Variants in OPCML observed in about 807,000 individuals in gnomAD.
OPCML encodes the protein opioid binding protein/cell adhesion molecule like, also known as opioid-binding protein/cell adhesion molecule.
OPCML carries 13 observed loss-of-function variants against 37.8 expected under a neutral mutation model. The observed-to-expected ratio is 0.34, with a 90% CI of 0.22 to 0.55. The LOEUF is 0.55. Ranked by LOEUF, OPCML falls within the 20% of genes least tolerant of loss-of-function variation. The probability of loss-of-function intolerance (pLI) is 0.91; values close to 1 mark genes in which losing one functional copy is unlikely to be tolerated. For missense variants in OPCML, 341 were observed against 435.6 expected (o/e 0.78, Z 1.93); for synonymous variants, 176 against 168.8 (o/e 1.04, Z -0.33).
intron 1 of OPCML, among the ~76,000 whole-genome samples, chr11:133,476,585 G>A (rs1219984731): frequency 6.6e-6 from 1 of 152,082 alleles, no homozygotes; most frequent in Non-Finnish European, 1.5e-5. Context: ...AAATACATTG[G>A]GCATTTGTGA....
intron 1 of OPCML, among the ~76,000 whole-genome samples, chr11:133,135,337 A>G (rs1276331193): frequency 6.6e-6 from 1 of 152,064 alleles, no homozygotes; most frequent in Admixed American, 6.5e-5. Flanking sequence ...TACCAGAATC[A>G]CACCCTTTGA....
intron 1 of OPCML, among the ~76,000 whole-genome samples, chr11:132,970,212 G>A (rs1467154157): frequency 6.6e-6 from 1 of 152,062 alleles, no homozygotes; most frequent in Non-Finnish European, 1.5e-5. Context: ...CAAAATACAT[G>A]TTTTTCACTT....
chr11:132,543,320 T>C (rs1027526331), intron 3 of OPCML, among the ~76,000 whole-genome samples: 1 of 152,106 alleles, frequency 6.6e-6, no homozygotes, highest in African/African-American at 2.4e-5. Flanking sequence ...TAGACCAGCC[T>C]GGGCAATGTA....
intron 7 of OPCML, among the ~76,000 whole-genome samples, chr11:132,434,896 T>A (rs1377301928): frequency 6.6e-6 from 1 of 152,176 alleles, no homozygotes; most frequent in Non-Finnish European, 1.5e-5. Context: ...TTTTCAAAGA[T>A]GACCAAATAT....
At chr11:133,079,632 C>T (rs921596087) in intron 1 of OPCML, among the ~76,000 whole-genome samples, 2 of 152,144 alleles carry the variant, frequency 1.3e-5, no homozygotes, top group African/African-American at 4.8e-5. Context: ...ACTGTAAGAA[C>T]CTCGGGAGGT....
At chr11:132,813,932 G>A (rs1184428786) in intron 2 of OPCML, among the ~76,000 whole-genome samples, 10 of 152,158 alleles carry the variant, frequency 6.6e-5, no homozygotes, top group African/African-American at 2.2e-4. Context: ...CGTTTTACAT[G>A]CACTAATAAC....
intron 1 of OPCML, among the ~76,000 whole-genome samples, chr11:133,343,629 A>T (rs1341600507): frequency 2.0e-5 from 3 of 152,204 alleles, no homozygotes; most frequent in Non-Finnish European, 2.9e-5. Context: ...CACAATGAGC[A>T]TTAGAATTAC....
intron 1 of OPCML, among the ~76,000 whole-genome samples, chr11:133,434,285 T>C (rs1946186736): frequency 6.6e-6 from 1 of 152,150 alleles, no homozygotes; most frequent in South Asian, 2.1e-4. Flanking sequence ...TATTTCTAAG[T>C]CTTACCTATC....
At chr11:133,261,246 C>T (rs949387982) in intron 1 of OPCML, among the ~76,000 whole-genome samples, 2 of 152,212 alleles carry the variant, frequency 1.3e-5, no homozygotes, top group Admixed American at 6.5e-5. Flanking sequence ...CTTGGATCTT[C>T]GAATAAGGAA....
chr11:133,520,433 TA>T (rs760425273), intron 1 of OPCML, among the ~76,000 whole-genome samples: 34 of 152,070 alleles, frequency 2.2e-4, no homozygotes, highest in Non-Finnish European at 4.1e-4. Context: ...ACAATGGTGC[TA>T]AATCAGTGGT....
intron 3 of OPCML, among the ~76,000 whole-genome samples, chr11:132,632,227 C>G (rs374640523): frequency 2.9e-5 from 4 of 137,676 alleles, no homozygotes; most frequent in East Asian, 4.3e-4. Context: ...CCTCAGGCAT[C>G]TTTATTCAAA....
intron 1 of OPCML, among the ~76,000 whole-genome samples, chr11:133,049,221 G>C (rs1051557024): frequency 2.6e-5 from 4 of 152,272 alleles, no homozygotes; most frequent in Non-Finnish European, 5.9e-5. Flanking sequence ...AGGAACTTAC[G>C]CATCAGCAAG....
chr11:132,707,067 A>T (rs553944551), intron 2 of OPCML, among the ~76,000 whole-genome samples: 2 of 152,310 alleles, frequency 1.3e-5, no homozygotes, highest in African/African-American at 4.8e-5. Context: ...ATGCTTTTTT[A>T]AAATGTAATT....
intron 1 of OPCML, among the ~76,000 whole-genome samples, chr11:133,009,748 G>A (rs767958091): frequency 2.0e-5 from 3 of 152,176 alleles, no homozygotes; most frequent in Admixed American, 6.5e-5. Flanking sequence ...GTGCTCCTAT[G>A]AGAATCTAAT....
chr11:132,688,285 A>G (rs1943250034), intron 2 of OPCML, among the ~76,000 whole-genome samples: 1 of 152,188 alleles, frequency 6.6e-6, no homozygotes, highest in Admixed American at 6.5e-5. Context: ...AGTTGAATGG[A>G]TGAGCATATT....
At chr11:133,354,867 A>G (rs1217959330) in intron 1 of OPCML, among the ~76,000 whole-genome samples, 1 of 152,230 alleles carries the variant, frequency 6.6e-6, no homozygotes, top group Non-Finnish European at 1.5e-5. Flanking sequence ...TGCCTACAGA[A>G]TGTGAAATTG....
chr11:133,290,689 C>T (rs1257301098), intron 1 of OPCML, among the ~76,000 whole-genome samples: 1 of 152,186 alleles, frequency 6.6e-6, no homozygotes, highest in Non-Finnish European at 1.5e-5. Flanking sequence ...AACAGCCACC[C>T]CAGAAGCCCA....
intron 1 of OPCML, among the ~76,000 whole-genome samples, chr11:133,000,184 C>G (rs1475392923): frequency 6.6e-6 from 1 of 152,136 alleles, no homozygotes; most frequent in Admixed American, 6.5e-5. Flanking sequence ...AGCCTCTTGG[C>G]TCACTACAAC....
At chr11:132,966,185 T>G (rs2136739243) in intron 1 of OPCML, among the ~76,000 whole-genome samples, 1 of 152,234 alleles carries the variant, frequency 6.6e-6, no homozygotes, top group Middle Eastern at 3.4e-3. Context: ...AAATGTATCT[T>G]TAAGCAATGC....
Sources: gnomAD v4.1 joint callset for allele counts (sites outside exome capture counted in the v4.1 genomes callset) on GRCh38, gnomAD v4.1.1 for gene constraint, MANE v1.5 for transcripts, NCBI Gene and HGNC (gene_info 2026-07-23, HGNC 2026-07-21) for gene names.